The following MLIP variants were observed in gnomAD, a reference collection of about 807,000 sequenced individuals.
MLIP encodes muscular LMNA interacting protein, also known as muscular LMNA-interacting protein.
Under a neutral mutation model 84.8 loss-of-function variants are expected in MLIP, and 79 were observed. The observed-to-expected ratio is 0.93, with a 90% confidence interval of 0.78 to 1.12. The LOEUF (loss-of-function observed/expected upper bound fraction) is 1.12. Ranked by LOEUF, MLIP falls within the 50% of genes most tolerant of loss-of-function variation. MLIP has a pLI of 0.00. For synonymous variants in MLIP, 504 were observed against 463.0 expected (o/e 1.09, Z -1.14); for missense variants, 1,257 against 1,160.6 (o/e 1.08, Z -1.21).
At position 54,257,453 on chromosome 6, in the gene MLIP, G is replaced by T. The variant is rs893436547; in HGVS notation, c.2976+92G>T. 12 of 975,084 alleles carry T rather than the reference G, an allele frequency of 1.2e-5. No homozygotes were observed. The African/African-American group carries it at 1.8e-4, about 15-fold the overall frequency. The allele number at this position is 975,084 out of a possible 1,614,324, so 60.4% of individuals were successfully genotyped here. A position where few individuals can be genotyped will look rare whatever the true frequency, so the allele number is the denominator to read the frequency against. Reference sequence around the variant, plus strand: ...TTATTTTTTTAATGTTAACAAAATTGTGCTTTTATAACAAAAGAAAGAATT... The same window carrying T: ...TTATTTTTTTAATGTTAACAAAATTTTGCTTTTATAACAAAAGAAAGAATT... On this transcript the variant is annotated intron_variant, in intron 13 of 13. Transcript: ENST00000502396.
At chr6:54,181,471 G>C (rs996430236) in intron 9 of MLIP, among the ~76,000 whole-genome samples, 1 of 152,128 alleles carries the variant, frequency 6.6e-6, no homozygotes, top group Admixed American at 6.5e-5. Flanking sequence ...CCTATGCCTG[G>C]ATTCAGGGAC....
At chr6:54,262,966 T>G (rs557055361) in intron 13 of MLIP, among the ~76,000 whole-genome samples, 5 of 152,046 alleles carry the variant, frequency 3.3e-5, no homozygotes, top group Non-Finnish European at 7.4e-5. Flanking sequence ...ATTTTTCTCT[T>G]CTAGAAACTC....
At chr6:54,098,690 G>C (rs1466678038) in intron 1 of MLIP, among the ~76,000 whole-genome samples, 3 of 152,070 alleles carry the variant, frequency 2.0e-5, no homozygotes, top group Admixed American at 2.0e-4. Context: ...GGTAGAGGAA[G>C]GTGGAAAATA....
chr6:54,139,389 C>T (rs1772102367), intron 4 of MLIP, among the ~76,000 whole-genome samples: 1 of 152,028 alleles, frequency 6.6e-6, no homozygotes, highest in Non-Finnish European at 1.5e-5. Flanking sequence ...AAATGTCAGG[C>T]CTGTCGGAAA....
chr6:54,046,315 T>G (rs1370463907), intron 1 of MLIP: 3 of 151,718 alleles, frequency 2.0e-5, no homozygotes, highest in South Asian at 4.2e-4. Context: ...AGAAAACTCA[T>G]TTTTTATTTT....
At chr6:54,124,410 T>C in intron 2 of MLIP, 63 bp from the exon 3 acceptor site, 1 of 1,467,418 alleles carries the variant, frequency 6.8e-7, no homozygotes, top group Non-Finnish European at 9.2e-7. Flanking sequence ...TCAGTGTACA[T>C]GCCAAAAAAG....
upstream of MLIP, chr6:54,111,439 C>T: frequency 2.6e-6 from 4 of 1,535,300 alleles, no homozygotes; most frequent in Non-Finnish European, 3.5e-6. Flanking sequence ...TCCCTTCCCA[C>T]CTCAGTCATT....
At chr6:54,257,888 G>A (rs1162153103) in intron 13 of MLIP, among the ~76,000 whole-genome samples, 1 of 152,044 alleles carries the variant, frequency 6.6e-6, no homozygotes, top group African/African-American at 2.4e-5. Context: ...TACATTTCAT[G>A]TAAATGTTTA....
intron 2 of MLIP, among the ~76,000 whole-genome samples, 188 bp downstream of exon 2, chr6:54,121,790 T>C (rs934149017): frequency 2.0e-5 from 3 of 152,216 alleles, no homozygotes; most frequent in Admixed American, 6.5e-5. Context: ...TAATGCATTA[T>C]CTTCAATTTT....
rs747577846 is a variant in MLIP, at chr6:54,137,123, T to C, written c.1054T>C (p.Ser352Pro). The C allele has an allele frequency of 1.3e-6, 2 of 1,536,054 alleles. No homozygotes were observed. Among genetic ancestry groups the C allele is most frequent in the South Asian group, 2.4e-5 (2 of 84,054 alleles). ...GAGAACCTCTTCTTCTCCACCGTCC[T>C]CCAGTGCTTCTCTGAAGTCGAATTC... ...SPRTSSSPPS[S>P]SASLKSNSAS... Residue 352 changes from serine (S) to proline (P), a missense_variant, in exon 4 of 14, where the codon TCC (serine) becomes CCC (proline). Coordinates refer to ENST00000502396, the MANE Select transcript of MLIP (RefSeq NM_001281747.2).
intron 5 of MLIP, among the ~76,000 whole-genome samples, chr6:54,152,475 GA>G (rs1438568275): frequency 6.6e-6 from 1 of 152,094 alleles, no homozygotes; most frequent in East Asian, 1.9e-4. Context: ...GGTGGTAAGA[GA>G]AAATGAGGAA....
intron 12 of MLIP, among the ~76,000 whole-genome samples, chr6:54,240,500 G>A (rs1034471071): frequency 6.6e-6 from 1 of 152,072 alleles, no homozygotes; most frequent in Non-Finnish European, 1.5e-5. Flanking sequence ...AAGTTGCAGT[G>A]TTATTTTGTG....
chr6:54,139,970 T>C (rs1772148605), intron 4 of MLIP, among the ~76,000 whole-genome samples: 2 of 152,084 alleles, frequency 1.3e-5, no homozygotes, highest in Admixed American at 1.3e-4. Flanking sequence ...TCAAAGAAAA[T>C]GAGATGGATA....
chr6:54,120,527 C>T (rs2150431410), intron 1 of MLIP, among the ~76,000 whole-genome samples: 2 of 152,352 alleles, frequency 1.3e-5, no homozygotes, highest in African/African-American at 4.8e-5. Flanking sequence ...GCAGGAGCCA[C>T]CGCTCCCGGC....
At chr6:54,102,882 G>A (rs749365009) in intron 1 of MLIP, among the ~76,000 whole-genome samples, 3 of 152,128 alleles carry the variant, frequency 2.0e-5, no homozygotes, top group East Asian at 1.9e-4. Context: ...CAGTAAATAC[G>A]ATGTAGAAGT....
At chr6:54,151,053 A>C (rs1289275086) in intron 5 of MLIP, among the ~76,000 whole-genome samples, 1 of 152,170 alleles carries the variant, frequency 6.6e-6, no homozygotes, top group Non-Finnish European at 1.5e-5. Context: ...GTTATTCTAG[A>C]GGGTGCTGCA....
chr6:54,041,014 A>G (rs1264196947), intron 1 of MLIP: 1 of 152,124 alleles, frequency 6.6e-6, no homozygotes, highest in Admixed American at 6.6e-5. Flanking sequence ...AAACCTCAGC[A>G]TCACAAAATG....
At chr6:54,071,388 C>A (rs573847670) in intron 1 of MLIP, among the ~76,000 whole-genome samples, 1 of 151,966 alleles carries the variant, frequency 6.6e-6, no homozygotes, top group Non-Finnish European at 1.5e-5. Flanking sequence ...TTGCTAATTT[C>A]AAAAACTTCC....
At chr6:54,128,598 C>T (rs1031156234) in intron 3 of MLIP, among the ~76,000 whole-genome samples, 2 of 151,930 alleles carry the variant, frequency 1.3e-5, no homozygotes, top group African/African-American at 4.8e-5. Context: ...ATTTGGTGAC[C>T]TTGGTGGGAA....
Sources: gnomAD v4.1 joint callset for allele counts (sites outside exome capture counted in the v4.1 genomes callset) on GRCh38, gnomAD v4.1.1 for gene constraint, MANE v1.5 for transcripts, NCBI Gene and HGNC (gene_info 2026-07-23, HGNC 2026-07-21) for gene names.